The following C3orf22 variants were observed in gnomAD, a reference collection of about 807,000 sequenced individuals.
C3orf22 encodes the protein uncharacterized protein C3orf22.
C3orf22 carries 7 observed loss-of-function variants against 10.8 expected under a neutral mutation model. The observed-to-expected ratio is 0.65, with a 90% confidence interval of 0.37 to 1.22. C3orf22 has a LOEUF of 1.22. C3orf22 is among the 50% of genes most tolerant of loss of function. The pLI, the probability that C3orf22 is intolerant of heterozygous loss-of-function variation, is 0.02. For missense variants in C3orf22, 173 were observed against 177.0 expected (o/e 0.98, Z 0.13); for synonymous variants, 79 against 78.9 (o/e 1.00, Z 0.00).
intron 4 of C3orf22, among the ~76,000 whole-genome samples, chr3:126,539,768 A>G: frequency 1.5e-5 from 1 of 66,342 alleles, no homozygotes; most frequent in African/African-American, 6.8e-5. Flanking sequence ...CACACCACAC[A>G]CACAGCACAC....
At chr3:126,542,354 G>A (rs768079076) in intron 4 of C3orf22, 1 of 1,566,954 alleles carries the variant, frequency 6.4e-7, no homozygotes, top group Non-Finnish European at 8.6e-7. Context: ...GGGCAAGTTC[G>A]AGACGCTGGC....
At chr3:126,550,157 CA>C in intron 3 of C3orf22, 79 bp from the exon 4 acceptor site, 1 of 1,516,358 alleles carries the variant, frequency 6.6e-7, no homozygotes, top group Non-Finnish European at 9.0e-7. Flanking sequence ...AGAAGTCAGC[CA>C]GGGCCACATC....
At chr3:126,542,169 A>C in intron 4 of C3orf22, 2 of 1,483,710 alleles carry the variant, frequency 1.3e-6, no homozygotes, top group Non-Finnish European at 1.8e-6. Flanking sequence ...CGCATCGTTC[A>C]GCGCCTGCGG....
chr3:126,530,877 A>G (rs931167857), intron 4 of C3orf22, among the ~76,000 whole-genome samples: 36 of 152,220 alleles, frequency 2.4e-4, no homozygotes, highest in Non-Finnish European at 4.9e-4. Context: ...TGCCCTGGCC[A>G]CTGGAGTCTG....
intron 4 of C3orf22, chr3:126,542,174 C>T: frequency 6.8e-7 from 1 of 1,467,054 alleles, no homozygotes; most frequent in Non-Finnish European, 9.0e-7. Flanking sequence ...CGTTCAGCGC[C>T]TGCGGCCGCG....
intron 1 of C3orf22, among the ~76,000 whole-genome samples, chr3:126,554,515 C>T (rs375419168): frequency 4.1e-4 from 63 of 152,316 alleles, no homozygotes; most frequent in African/African-American, 1.3e-3. Context: ...CCATCCGCCT[C>T]GGCCTCCCAA....
At chr3:126,556,649 C>T (rs1460075128) in intron 1 of C3orf22, among the ~76,000 whole-genome samples, 1 of 58,448 alleles carries the variant, frequency 1.7e-5, no homozygotes, top group Non-Finnish European at 3.3e-5. Flanking sequence ...CGTTCCCACA[C>T]ACACACACAC....
chr3:126,553,304 G>A lies in C3orf22; in HGVS notation c.87C>T (p.Tyr29=). ...AQENFAKKFP[Y]RLSWLTEPDP... is the part of the protein sequence containing the mutation. ...CCAGAGGTGTCAGCCTCCCGCACCT[G>A]TACGGAAACTTCTTGGCAAAATTCT... is the stretch of plus-strand genomic sequence containing the variant. The change falls in exon 2 of 4, where the codon TAC becomes TAT. Residue 29 remains tyrosine (Y), a splice_region_variant and synonymous_variant. Coordinates refer to ENST00000318225, the MANE Select transcript of C3orf22 (RefSeq NM_152533.3). 2 of 1,612,412 alleles carry A rather than the reference G, an allele frequency of 1.2e-6. No homozygotes were observed. Among genetic ancestry groups the A allele is most frequent in the Non-Finnish European group, 1.7e-6 (2 of 1,178,388 alleles).
intron 4 of C3orf22, chr3:126,529,416 A>G (rs1361137292): frequency 7.8e-7 from 1 of 1,287,604 alleles, no homozygotes; most frequent in African/African-American, 1.5e-5. Flanking sequence ...ACAAGGGGGC[A>G]CCCAGAGGCA....
Position 126,549,764 on chromosome 3 carries a change from A to T in C3orf22, c.*104T>A, listed in dbSNP as rs1336657369. The T allele has an allele frequency of 6.6e-7, 1 of 1,511,098 alleles. No homozygotes were observed. The highest frequency in any genetic ancestry group is 8.9e-7 in the Non-Finnish European group (1 of 1,129,510). 93.6% of individuals were successfully genotyped at this position (1,511,098 alleles called of 1,614,324 possible). On this transcript the variant is annotated 3_prime_UTR_variant, in exon 4 of 4. Transcript: ENST00000318225. ...GACCACAAACCACTCCCGGTCTATG[A>T]TGGCCATGAAGGCTGATCCCTTTAC... is the stretch of plus-strand genomic sequence containing the variant.
intron 4 of C3orf22, chr3:126,542,376 C>T: frequency 6.4e-7 from 1 of 1,560,308 alleles, no homozygotes; most frequent in Non-Finnish European, 8.7e-7. Flanking sequence ...GAGGACGCGG[C>T]CTTCGTGCTG....
chr3:126,549,951 C>T lies in C3orf22; in HGVS notation c.343G>A (p.Ala115Thr), dbSNP rs59326200. 5 of 1,613,946 alleles carry T rather than the reference C, an allele frequency of 3.1e-6. No homozygotes were observed. In the East Asian group the frequency reaches 6.7e-5, roughly 22 times the overall value. ...LLSRRFPRQL[A>T]FLLSTRHTEA... The stretch of plus-strand genomic sequence containing the variant: ...GTGTGCCGGGTGGACAGCAGGAAGG[C>T]GAGTTGTCTGGGGAAGCGGCGACTC... The change falls in exon 4 of 4, where the codon GCC becomes ACC. Residue 115 changes from alanine to threonine, a missense_variant. Transcript: ENST00000318225.
chr3:126,539,067 C>T (rs897595574), intron 4 of C3orf22, among the ~76,000 whole-genome samples: 1 of 152,102 alleles, frequency 6.6e-6, no homozygotes, highest in African/African-American at 2.4e-5. Context: ...GAGAATCTCA[C>T]CTACAGGCAT....
At chr3:126,527,551 G>C (rs778904768) in exon 6 of C3orf22, 1 of 152,390 alleles carries the variant, frequency 6.6e-6, no homozygotes, top group African/African-American at 2.4e-5. Flanking sequence ...TCAAGTGCCC[G>C]TCTCTGAGCC....
chr3:126,552,054 G>A lies in C3orf22; in HGVS notation c.158C>T (p.Thr53Met), dbSNP rs145199781. 152 of 1,613,730 alleles carry A rather than the reference G, an allele frequency of 9.4e-5. No homozygotes were observed. The African/African-American group carries it at 1.4e-3, about 15-fold the overall frequency. ...CCTCTTCTGCAGGGGCAGCTGCACC[G>A]TGTTCGAGTCGTTTGTGACCTCCCA... Reference protein sequence around the residue: ...QPWEVTNDSNTVQLPLQKRLV... With the variant: ...QPWEVTNDSNMVQLPLQKRLV... Residue 53 changes from threonine (T) to methionine (M), a missense_variant, in exon 3 of 4, where the codon ACG (threonine) becomes ATG (methionine). Coordinates refer to ENST00000318225, the MANE Select transcript of C3orf22 (RefSeq NM_152533.3).
chr3:126,552,030 C>T lies in C3orf22; in HGVS notation c.182G>A (p.Arg61Lys). 6.2e-7 allele frequency: 1 copy of T among 1,613,534 alleles called. No individual in the cohort carries two copies. Among genetic ancestry groups the T allele is most frequent in the South Asian group, 1.1e-5 (1 of 90,990 alleles). ...SNTVQLPLQK[R>K]LVPTRSIPVR... ...TGGGATGGACCTCGTTGGCACCAAC[C>T]TCTTCTGCAGGGGCAGCTGCACCGT... Residue 61 changes from arginine (R) to lysine (K), a missense_variant, in exon 3 of 4, where the codon AGG becomes AAG. Coordinates refer to ENST00000318225, the MANE Select transcript of C3orf22 (RefSeq NM_152533.3).
rs1937241355 is a variant in C3orf22 at position 126,553,227 on chromosome 3, G to T, written c.89+75C>A. 19 of 1,019,320 alleles carry T rather than the reference G, an allele frequency of 1.9e-5. 1 individual carries two copies. The South Asian group carries it at 2.3e-4, about 12-fold the overall frequency. 63.1% of individuals were successfully genotyped at this position (1,019,320 alleles called of 1,614,324 possible). ...CCTCCCAGCTGCAGCCCCACAGAAT[G>T]CATTTGAGTTCCCAGGATGCTGGGG... On this transcript the variant is annotated intron_variant, in intron 2 of 3. Transcript: ENST00000318225.
At chr3:126,528,160 G>A (rs958144080) in intron 5 of C3orf22, among the ~76,000 whole-genome samples, 2 of 151,810 alleles carry the variant, frequency 1.3e-5, no homozygotes, top group African/African-American at 4.8e-5. Flanking sequence ...GGGTCCTTGA[G>A]AGAGAATGGT....
chr3:126,553,658 CTCCACAGCCACGCCTG>C (rs949932603), intron 1 of C3orf22, among the ~76,000 whole-genome samples: 1 of 152,222 alleles, frequency 6.6e-6, no homozygotes, highest in African/African-American at 2.4e-5. Context: ...ACGCTTACCC[CTCCACAGCCACGCCTG>C]TCCACAGCCC....
Sources: allele counts gnomAD v4.1 joint callset (sites outside exome capture counted in the v4.1 genomes callset), GRCh38; gene constraint gnomAD v4.1.1; transcripts MANE v1.5; gene names NCBI Gene and HGNC (gene_info 2026-07-23, HGNC 2026-07-21).